The following ENOX1 variants were observed in gnomAD, a reference collection of about 807,000 sequenced individuals.
ENOX1 encodes candidate growth-related and time keeping constitutive hydroquinone (NADH) oxidase.
Under a neutral mutation model 82.5 loss-of-function variants are expected in ENOX1, and 42 were observed. The ratio of observed to expected loss-of-function variants is 0.51; its 90% confidence interval spans 0.40 to 0.66. The LOEUF is 0.66. ENOX1 is among the 30% of genes least tolerant of loss of function. The pLI, the probability that ENOX1 is intolerant of heterozygous loss-of-function variation, is 0.00. For synonymous variants in ENOX1, 271 were observed against 282.2 expected (o/e 0.96, Z 0.40); for missense variants, 608 against 811.6 (o/e 0.75, Z 3.05).
intron 2 of ENOX1, among the ~76,000 whole-genome samples, chr13:43,613,171 T>C (rs2082270862): frequency 6.6e-6 from 1 of 152,170 alleles, no homozygotes; most frequent in African/African-American, 2.4e-5. Context: ...ACCTCCTTAA[T>C]AAATTTTATT....
At chr13:43,595,416 C>CT (rs925857477) in intron 2 of ENOX1, among the ~76,000 whole-genome samples, 7 of 151,794 alleles carry the variant, frequency 4.6e-5, no homozygotes, top group Admixed American at 2.0e-4. Flanking sequence ...CATTTTATTT[C>CT]TTTTTTTTAT....
At chr13:43,475,552 C>A (rs770040040) in intron 3 of ENOX1, among the ~76,000 whole-genome samples, 5 of 152,092 alleles carry the variant, frequency 3.3e-5, no homozygotes, top group Non-Finnish European at 7.4e-5. Flanking sequence ...AGGAAGTTCT[C>A]AATACTTATT....
chr13:43,298,315 CAAAAA>C, intron 12 of ENOX1, 26 bp downstream of exon 12: 2 of 1,411,850 alleles, frequency 1.4e-6, no homozygotes, highest in South Asian at 1.4e-5. Context: ...CTCTTTCTCT[CAAAAA>C]AAAAAAAAAA....
intron 5 of ENOX1, among the ~76,000 whole-genome samples, chr13:43,386,036 G>A (rs1373284813): frequency 2.0e-5 from 3 of 152,114 alleles, no homozygotes; most frequent in South Asian, 2.1e-4. Context: ...TGTGGGAGCC[G>A]GTGCCTGTAA....
Position 43,684,805 on chromosome 13 carries a change from C to T in ENOX1, c.-284-17261G>A, listed in dbSNP as rs142826701. ...AGTAGCCATAGTCAACCATAGACAGCGAAAGTTGTGTCTCTTTACAGATTT... is the reference window on the plus strand; with the variant it reads ...AGTAGCCATAGTCAACCATAGACAGTGAAAGTTGTGTCTCTTTACAGATTT... On this transcript the variant is annotated intron_variant, in intron 1 of 16. Coordinates refer to ENST00000690772, the MANE Select transcript of ENOX1 (RefSeq NM_001347969.2). Among the ~76,000 whole-genome samples the T allele has an allele frequency of 5.8e-4, 88 of 152,160 alleles. 1 individual carries two copies. The highest frequency in any genetic ancestry group is 1.0e-3 in the Non-Finnish European group (68 of 68,006).
chr13:43,432,099 C>T (rs1468822174), intron 3 of ENOX1, among the ~76,000 whole-genome samples: 1 of 152,166 alleles, frequency 6.6e-6, no homozygotes, highest in East Asian at 1.9e-4. Flanking sequence ...TTCTGACTGA[C>T]CCTGGCGCCT....
intron 2 of ENOX1, among the ~76,000 whole-genome samples, chr13:43,640,413 C>T (rs536590915): frequency 1.1e-3 from 160 of 152,018 alleles, no homozygotes; most frequent in Non-Finnish European, 2.1e-3. Flanking sequence ...TTCTAAAATG[C>T]TGTTATTGCA....
At chr13:43,311,095 G>T (rs1163923447) in intron 11 of ENOX1, among the ~76,000 whole-genome samples, 4 of 152,078 alleles carry the variant, frequency 2.6e-5, no homozygotes, top group Admixed American at 1.3e-4. Flanking sequence ...GGACTACTGG[G>T]TGTGTCTGAG....
intron 9 of ENOX1, among the ~76,000 whole-genome samples, chr13:43,334,611 A>G (rs536874565): frequency 4.7e-4 from 71 of 152,158 alleles, no homozygotes; most frequent in Non-Finnish European, 8.8e-4. Context: ...TGAATTTTCA[A>G]TGCAAACAAG....
At chr13:43,761,435 A>G (rs1004793368) in intron 1 of ENOX1, among the ~76,000 whole-genome samples, 2 of 152,228 alleles carry the variant, frequency 1.3e-5, no homozygotes, top group Non-Finnish European at 2.9e-5. Flanking sequence ...CTCTCAGAGC[A>G]CTTTTTATAC....
At chr13:43,454,382 C>A (rs543917466) in intron 3 of ENOX1, among the ~76,000 whole-genome samples, 1 of 151,842 alleles carries the variant, frequency 6.6e-6, no homozygotes. Context: ...TCTTGTCCAG[C>A]GCAGGAAAAC....
chr13:43,667,593 C>G (rs2085044916), intron 1 of ENOX1, 49 bp from the exon 2 acceptor site: 4 of 645,076 alleles, frequency 6.2e-6, no homozygotes, highest in African/African-American at 2.0e-5. Context: ...ACATCAATTT[C>G]AGAGAGCTGA....
intron 1 of ENOX1, among the ~76,000 whole-genome samples, chr13:43,759,093 G>GTTT (rs376341594): frequency 1.0e-5 from 1 of 97,148 alleles, no homozygotes; most frequent in Non-Finnish European, 2.0e-5. Context: ...GAACTGATAA[G>GTTT]TTTCTTTTTT....
At chr13:43,624,496 T>C (rs116339298) in intron 2 of ENOX1, among the ~76,000 whole-genome samples, 1,866 of 152,282 alleles carry the variant, frequency 0.012, 34 homozygotes, top group African/African-American at 0.043. Flanking sequence ...CCAAAGATTT[T>C]TTCGTATTTT....
chr13:43,400,948 A>G lies in ENOX1; in HGVS notation c.208+10968T>C, dbSNP rs77268061. 5.4e-3 allele frequency among the ~76,000 whole-genome samples: 830 copies of G among 152,326 alleles called. 4 individuals are homozygous for G. Among genetic ancestry groups the G allele is most frequent in the African/African-American group, 0.019 (783 of 41,588 alleles). ...TTTAGGCAGATAGACCTGGTTATCA[A>G]TTCCAGCACTGTTTCCTTCCAGCTG... On this transcript the variant is annotated intron_variant, in intron 5 of 16. Coordinates refer to ENST00000690772, the MANE Select transcript of ENOX1 (RefSeq NM_001347969.2).
At chr13:43,748,652 A>G (rs1254794109) in intron 1 of ENOX1, among the ~76,000 whole-genome samples, 1 of 152,176 alleles carries the variant, frequency 6.6e-6, no homozygotes, top group African/African-American at 2.4e-5. Flanking sequence ...TGTTGAAAAT[A>G]CCTCCTCCTT....
intron 7 of ENOX1, among the ~76,000 whole-genome samples, chr13:43,357,451 G>C (rs193293353): frequency 1.3e-5 from 2 of 152,264 alleles, no homozygotes; most frequent in African/African-American, 4.8e-5. Context: ...ATTTTCAAGT[G>C]TTATCTGAAA....
At chr13:43,312,631 C>T (rs1319464809) in intron 11 of ENOX1, among the ~76,000 whole-genome samples, 2 of 152,190 alleles carry the variant, frequency 1.3e-5, no homozygotes, top group Non-Finnish European at 2.9e-5. Flanking sequence ...GTGAACATCC[C>T]TATGCACTTC....
At chr13:43,765,596 T>G (rs1247463404) in intron 1 of ENOX1, among the ~76,000 whole-genome samples, 2 of 152,312 alleles carry the variant, frequency 1.3e-5, no homozygotes, top group South Asian at 4.1e-4. Flanking sequence ...GTAGCTTAAG[T>G]GCTCCTCCAG....
Sources: gnomAD v4.1 joint callset for allele counts (sites outside exome capture counted in the v4.1 genomes callset) on GRCh38, gnomAD v4.1.1 for gene constraint, MANE v1.5 for transcripts, NCBI Gene and HGNC (gene_info 2026-07-23, HGNC 2026-07-21) for gene names.